The following PTK2 variants were observed in gnomAD, a reference collection of about 807,000 sequenced individuals.
PTK2 encodes the protein focal adhesion kinase 1.
In PTK2, 45 loss-of-function variants were observed where a neutral mutation model predicts 150.1. The observed-to-expected ratio is 0.30, with a 90% confidence interval of 0.24 to 0.38. The LOEUF is 0.38. Among genes scored for constraint, PTK2 ranks in the 10% least tolerant of loss-of-function variants. PTK2 has a pLI of 1.00. For missense variants in PTK2, 919 were observed against 1,307.3 expected (o/e 0.70, Z 4.58); for synonymous variants, 432 against 449.2 (o/e 0.96, Z 0.48).
intron 20 of PTK2, among the ~76,000 whole-genome samples, chr8:140,742,170 A>G (rs1038439448): frequency 1.3e-5 from 2 of 152,188 alleles, no homozygotes; most frequent in Non-Finnish European, 2.9e-5. Context: ...CCACCAAACT[A>G]ATAGATCCAA....
At chr8:140,743,468 A>G in intron 19 of PTK2, 138 bp from the exon 23 acceptor site, 2 of 510,974 alleles carry the variant, frequency 3.9e-6, no homozygotes, top group African/African-American at 1.9e-5. Context: ...TATTTATTAT[A>G]GGATATATAT....
chr8:140,843,451 GC>G (rs2100123468), intron 7 of PTK2, among the ~76,000 whole-genome samples: 1 of 151,394 alleles, frequency 6.6e-6, no homozygotes, highest in African/African-American at 2.4e-5. Flanking sequence ...TCCTATCTTG[GC>G]CTCACATACA....
chr8:140,894,540 T>C (rs1357902057), intron 2 of PTK2, among the ~76,000 whole-genome samples: 1 of 152,098 alleles, frequency 6.6e-6, no homozygotes. Context: ...GTACTATGAA[T>C]CTGCTGGGGG....
At chr8:140,916,151 T>C (rs997990714) in intron 2 of PTK2, among the ~76,000 whole-genome samples, 2 of 152,204 alleles carry the variant, frequency 1.3e-5, no homozygotes, top group Admixed American at 6.5e-5. Context: ...TGTTAAGACA[T>C]CTGTTGAGAG....
Position 140,819,974 on chromosome 8 carries a change from G to T in PTK2, c.649-954C>A, listed in dbSNP as rs77221554. Among the ~76,000 whole-genome samples, 723 of 151,616 alleles carry T rather than the reference G, an allele frequency of 4.8e-3. 3 individuals are homozygous for T. Among genetic ancestry groups the T allele is most frequent in the Non-Finnish European group, 7.5e-3 (508 of 67,922 alleles). ...AATGTGATGAGGTCTAATGAAGAGGGGCAAGAGAATGTAGGCCATAGTTAA... is the reference window on the plus strand; with the variant it reads ...AATGTGATGAGGTCTAATGAAGAGGTGCAAGAGAATGTAGGCCATAGTTAA... On this transcript the variant is annotated intron_variant, in intron 8 of 31. Transcript: ENST00000522684.
chr8:140,737,750 C>G (rs921217024), intron 21 of PTK2, among the ~76,000 whole-genome samples: 1 of 152,312 alleles, frequency 6.6e-6, no homozygotes. Context: ...AAGATACACT[C>G]CAGTTCCAGA....
intron 14 of PTK2, among the ~76,000 whole-genome samples, chr8:140,764,743 A>T (rs1448464216): frequency 1.3e-5 from 2 of 152,164 alleles, no homozygotes; most frequent in African/African-American, 4.8e-5. Context: ...TCTGAACGGA[A>T]CCTTTAGAAA....
chr8:140,835,154 G>A (rs769534438), intron 7 of PTK2, among the ~76,000 whole-genome samples: 6 of 152,130 alleles, frequency 3.9e-5, no homozygotes, highest in South Asian at 2.1e-4. Flanking sequence ...TATCCTGCAC[G>A]TGTATTCATA....
chr8:140,909,373 A>T (rs1448962698), intron 2 of PTK2, among the ~76,000 whole-genome samples: 2 of 152,222 alleles, frequency 1.3e-5, no homozygotes, highest in Admixed American at 6.5e-5. Flanking sequence ...AAGACCCTAT[A>T]GATTACAGGA....
At chr8:140,873,529 G>A (rs747567771) in intron 4 of PTK2, among the ~76,000 whole-genome samples, 1 of 151,956 alleles carries the variant, frequency 6.6e-6, no homozygotes, top group African/African-American at 2.4e-5. Context: ...GGAGTGGCAC[G>A]ATCTCGGCTC....
At chr8:140,752,417 G>C in intron 16 of PTK2, 101 bp from the exon 20 acceptor site, 3 of 990,782 alleles carry the variant, frequency 3.0e-6, no homozygotes, top group Non-Finnish European at 4.6e-6. Context: ...GTGGGTTATG[G>C]ACCAGACAGA....
intron 13 of PTK2, 149 bp downstream of exon 13, chr8:140,793,205 C>A: frequency 1.1e-6 from 1 of 900,706 alleles, no homozygotes; most frequent in South Asian, 1.8e-5. Flanking sequence ...AAATTTAAAA[C>A]TGACTTGATT....
chr8:141,000,999 G>A (rs544720500), intron 1 of PTK2, 126 bp downstream of exon 1: 5 of 151,748 alleles, frequency 3.3e-5, no homozygotes, highest in Non-Finnish European at 7.4e-5. Flanking sequence ...CATCCGCCCC[G>A]GGACTGGTTG....
intron 2 of PTK2, among the ~76,000 whole-genome samples, chr8:140,900,180 G>A (rs1487357949): frequency 6.6e-6 from 1 of 152,172 alleles, no homozygotes; most frequent in African/African-American, 2.4e-5. Flanking sequence ...CAGATGACAT[G>A]ATCTTATAAC....
chr8:140,668,582 A>G (rs2093785951), intron 29 of PTK2, 158 bp from the exon 34 acceptor site: 2 of 779,196 alleles, frequency 2.6e-6, no homozygotes, highest in Non-Finnish European at 3.8e-6. Flanking sequence ...TGAGAATGAC[A>G]GTAAAGTAAT....
chr8:140,662,948 T>C (rs992997058), intron 31 of PTK2: 3 of 420,814 alleles, frequency 7.1e-6, no homozygotes, highest in African/African-American at 2.0e-5. Context: ...CTGTTTCAGA[T>C]GAAAGGAGGC....
intron 8 of PTK2, among the ~76,000 whole-genome samples, chr8:140,824,297 G>T (rs1236190690): frequency 2.0e-5 from 3 of 152,168 alleles, no homozygotes; most frequent in African/African-American, 7.2e-5. Flanking sequence ...GCTGAATGTG[G>T]GAAAACATGC....
intron 1 of PTK2, among the ~76,000 whole-genome samples, chr8:140,967,058 T>C (rs966060926): frequency 1.3e-5 from 2 of 152,208 alleles, no homozygotes; most frequent in African/African-American, 4.8e-5. Flanking sequence ...TATTAGCTCA[T>C]TACTCCTCAC....
At chr8:140,690,031 C>T (rs965997688) in intron 26 of PTK2, among the ~76,000 whole-genome samples, 2 of 152,238 alleles carry the variant, frequency 1.3e-5, no homozygotes, top group Non-Finnish European at 2.9e-5. Context: ...CAGCTCACTG[C>T]AAGCTCTGCC....
Sources: gnomAD v4.1 joint callset for allele counts (sites outside exome capture counted in the v4.1 genomes callset) on GRCh38, gnomAD v4.1.1 for gene constraint, MANE v1.5 for transcripts, NCBI Gene and HGNC (gene_info 2026-07-23, HGNC 2026-07-21) for gene names.